The following MKLN1 variants were observed in gnomAD, a reference collection of about 807,000 sequenced individuals.
The protein encoded by MKLN1 is muskelin 1, also known as muskelin.
A neutral mutation model predicts 99.0 loss-of-function variants in MKLN1; 18 were observed. That is an observed-to-expected ratio of 0.18 (90% confidence interval 0.13 to 0.27). The LOEUF (loss-of-function observed/expected upper bound fraction) is 0.27. Ranked by LOEUF, MKLN1 falls within the 10% of genes least tolerant of loss-of-function variation. MKLN1 has a pLI of 1.00. For missense variants in MKLN1, 621 were observed against 875.9 expected, an observed-to-expected ratio of 0.71 and a Z score of 3.67; for synonymous variants, 288 against 293.2, an observed-to-expected ratio of 0.98 and a Z score of 0.18.
At chr7:131,468,455 C>A (rs1485825625) in intron 15 of MKLN1, among the ~76,000 whole-genome samples, 8 of 151,924 alleles carry the variant, frequency 5.3e-5, no homozygotes, top group Admixed American at 5.2e-4. Context: ...GTTAGACTGG[C>A]TTATTTTTGT....
chr7:131,417,602 T>C (rs1795056963), intron 8 of MKLN1, among the ~76,000 whole-genome samples: 1 of 152,242 alleles, frequency 6.6e-6, no homozygotes, highest in Non-Finnish European at 1.5e-5. Context: ...TTGATATCAG[T>C]AATAGAGATG....
chr7:131,246,574 T>C (rs995729988), intron 3 of MKLN1, among the ~76,000 whole-genome samples: 1 of 152,226 alleles, frequency 6.6e-6, no homozygotes, highest in African/African-American at 2.4e-5. Context: ...CTTTTAATTA[T>C]TGAACTGTAA....
At chr7:131,264,449 C>T (rs756117581) in intron 3 of MKLN1, among the ~76,000 whole-genome samples, 4 of 152,294 alleles carry the variant, frequency 2.6e-5, no homozygotes, top group African/African-American at 4.8e-5. Flanking sequence ...AGCTACTATA[C>T]ACTGAATAAG....
rs1422498908 is a variant in MKLN1, at chr7:131,397,257, C to T, written c.401-10C>T. ...ATTTTTCTTCTTCTTTTTGTTTTTT[C>T]TCCTTAAAGTTCCACTCTTGTCCTG... On this transcript the variant is annotated splice_polypyrimidine_tract_variant and intron_variant, in intron 4 of 17. Transcript: ENST00000352689. 1.3e-6 allele frequency: 2 copies of T among 1,546,408 alleles called. No homozygotes were observed. Among genetic ancestry groups the T allele is most frequent in the East Asian group, 2.2e-5 (1 of 44,466 alleles).
chr7:131,116,784 G>A (rs577224359), intron 1 of MKLN1, among the ~76,000 whole-genome samples: 1 of 152,086 alleles, frequency 6.6e-6, no homozygotes. Flanking sequence ...ATAATAAAAG[G>A]CATGTGCATC....
intron 3 of MKLN1, among the ~76,000 whole-genome samples, chr7:131,313,724 A>C (rs1287029069): frequency 6.6e-6 from 1 of 152,256 alleles, no homozygotes; most frequent in Non-Finnish European, 1.5e-5. Context: ...GACCTATTTC[A>C]CTTAGATAAG....
At chr7:131,212,978 G>A (rs60398269) in intron 3 of MKLN1, among the ~76,000 whole-genome samples, 38,156 of 150,910 alleles carry the variant, frequency 0.25, 5,304 homozygotes, top group East Asian at 0.66. Context: ...TGACTTACTT[G>A]ATTTAGGGTT....
At chr7:131,371,600 G>T (rs1319297085) in intron 1 of MKLN1, among the ~76,000 whole-genome samples, 1 of 151,946 alleles carries the variant, frequency 6.6e-6, no homozygotes, top group Admixed American at 6.6e-5. Flanking sequence ...CAACTGTTTG[G>T]CCCCCTTGAT....
At chr7:131,190,790 A>C (rs558845006) in intron 2 of MKLN1, among the ~76,000 whole-genome samples, 3 of 152,254 alleles carry the variant, frequency 2.0e-5, no homozygotes, top group African/African-American at 7.2e-5. Context: ...CTTGCCCTGG[A>C]GCGCTGCAGA....
intron 1 of MKLN1, among the ~76,000 whole-genome samples, chr7:131,351,066 C>A (rs2116762810): frequency 6.6e-6 from 1 of 152,088 alleles, no homozygotes; most frequent in South Asian, 2.1e-4. Flanking sequence ...TGTTATGTCC[C>A]TTTTACAATT....
chr7:131,117,078 C>T (rs574163305), intron 1 of MKLN1, among the ~76,000 whole-genome samples: 30 of 152,032 alleles, frequency 2.0e-4, no homozygotes, highest in Middle Eastern at 3.4e-3. Flanking sequence ...GACTGAAGCA[C>T]GATTTATAGT....
At chr7:131,244,190 G>A (rs781767027) in intron 3 of MKLN1, among the ~76,000 whole-genome samples, 5 of 152,052 alleles carry the variant, frequency 3.3e-5, no homozygotes, top group African/African-American at 1.2e-4. Context: ...GTTAGTTTTC[G>A]GGAATTTGCC....
At chr7:131,232,009 GAC>G (rs1193117089) in intron 3 of MKLN1, among the ~76,000 whole-genome samples, 1 of 152,004 alleles carries the variant, frequency 6.6e-6, no homozygotes, top group African/African-American at 2.4e-5. Context: ...GAACATGAAG[GAC>G]ACAGAAAAAC....
intron 1 of MKLN1, among the ~76,000 whole-genome samples, chr7:131,348,062 T>G (rs1799615143): frequency 6.6e-6 from 1 of 151,974 alleles, no homozygotes; most frequent in Non-Finnish European, 1.5e-5. Context: ...GTGAGGAGAG[T>G]TATTACCTGT....
At chr7:131,391,163 C>G (rs1400018977) in intron 4 of MKLN1, among the ~76,000 whole-genome samples, 1 of 151,834 alleles carries the variant, frequency 6.6e-6, no homozygotes, top group Non-Finnish European at 1.5e-5. Context: ...AAAAGTTATT[C>G]CAGTAAAGGA....
At chr7:131,247,229 TTTTTTC>T (rs1321353787) in intron 3 of MKLN1, among the ~76,000 whole-genome samples, 2 of 101,660 alleles carry the variant, frequency 2.0e-5, no homozygotes, top group African/African-American at 6.0e-5. Flanking sequence ...CTTCTTTTTC[TTTTTTC>T]TTTTTTTTTT....
chr7:131,289,809 G>A (rs1798190525), intron 3 of MKLN1, among the ~76,000 whole-genome samples: 1 of 152,146 alleles, frequency 6.6e-6, no homozygotes, highest in Admixed American at 6.5e-5. Flanking sequence ...TTAAGTGTTT[G>A]TTAGGTAAAT....
chr7:131,312,099 T>C (rs1412575372), intron 3 of MKLN1, among the ~76,000 whole-genome samples: 3 of 152,132 alleles, frequency 2.0e-5, no homozygotes, highest in Non-Finnish European at 2.9e-5. Context: ...CTCAGCTCAC[T>C]GCAACCTCTG....
chr7:131,279,397 T>C (rs114642737), intron 3 of MKLN1, among the ~76,000 whole-genome samples: 2,033 of 152,256 alleles, frequency 0.013, 44 homozygotes, highest in African/African-American at 0.046. Flanking sequence ...GAGAATGAGC[T>C]TGGTATGATC....
Sources: gnomAD v4.1 joint callset for allele counts (sites outside exome capture counted in the v4.1 genomes callset) on GRCh38, gnomAD v4.1.1 for gene constraint, MANE v1.5 for transcripts, NCBI Gene and HGNC (gene_info 2026-07-23, HGNC 2026-07-21) for gene names.